ST18: variants seen among roughly 807,000 people sequenced by gnomAD.
The protein encoded by ST18 is suppression of tumorigenicity 18 protein.
ST18 carries 50 observed loss-of-function variants against 110.0 expected under a neutral mutation model. That is an observed-to-expected ratio of 0.45 (90% CI 0.36 to 0.58). ST18 has a LOEUF of 0.58. Among genes scored for constraint, ST18 ranks in the 20% least tolerant of loss-of-function variants. The pLI, the probability that ST18 is intolerant of heterozygous loss-of-function variation, is 0.00. For missense variants in ST18, 1,306 were observed against 1,280.1 expected (o/e 1.02, Z -0.31); for synonymous variants, 461 against 452.4 (o/e 1.02, Z -0.24).
At chr8:52,154,776 G>A (rs961285495) in intron 15 of ST18, 1 of 152,120 alleles carries the variant, frequency 6.6e-6, no homozygotes, top group Non-Finnish European at 1.5e-5. Flanking sequence ...AATTTTGGGA[G>A]GCTGAGGCAG....
chr8:52,409,713 A>G lies in ST18; in HGVS notation c.-755T>C, dbSNP rs991260507. ...TATTCCCCTGAGGTCACATTCAGTT[A>G]AAAACATCCTGCCCTTCTCCCTACA... On this transcript the variant is annotated 5_prime_UTR_variant, in exon 1 of 26. Transcript: ENST00000689386. 1.3e-5 allele frequency: 2 copies of G among 152,272 alleles called. No individual in the cohort carries two copies. Among genetic ancestry groups the G allele is most frequent in the East Asian group, 3.8e-4 (2 of 5,198 alleles). The allele number at this position is 152,272 out of a possible 1,614,324, so 9.4% of individuals were successfully genotyped here. A position where few individuals can be genotyped will look rare whatever the true frequency, so the allele number is the denominator to read the frequency against.
chr8:52,315,064 A>G (rs1256030436), intron 2 of ST18, among the ~76,000 whole-genome samples: 3 of 152,242 alleles, frequency 2.0e-5, no homozygotes, highest in Admixed American at 2.0e-4. Flanking sequence ...AAGAGACATC[A>G]GATTTCCTCT....
At chr8:52,276,535 T>C (rs959822481) in intron 2 of ST18, among the ~76,000 whole-genome samples, 2 of 152,088 alleles carry the variant, frequency 1.3e-5, no homozygotes, top group Non-Finnish European at 2.9e-5. Context: ...GGAGCCTATG[T>C]TGTGTGGCAG....
At chr8:52,227,200 C>A (rs569435737) in intron 3 of ST18, among the ~76,000 whole-genome samples, 4 of 152,082 alleles carry the variant, frequency 2.6e-5, no homozygotes, top group African/African-American at 9.7e-5. Flanking sequence ...AAAAAATACA[C>A]GTATTTTTCT....
chr8:52,302,759 A>G (rs575920936), intron 2 of ST18, among the ~76,000 whole-genome samples: 11 of 152,360 alleles, frequency 7.2e-5, no homozygotes, highest in African/African-American at 2.6e-4. Flanking sequence ...ATAGGAACTT[A>G]TAACCCCTTG....
At position 52,172,201 on chromosome 8, in the gene ST18, C is replaced by G; in HGVS notation, c.660G>C (p.Lys220Asn). Residue 220 changes from lysine to asparagine, a missense_variant, in exon 10 of 26, where the codon AAG (lysine) becomes AAC (asparagine). By Grantham distance (94) the Lys-to-Asn change is moderately conservative (BLOSUM62 0). Transcript: ENST00000689386. The part of the protein sequence containing the change: ...SEETKPPRVP[K>N]YVLTDHKKDL... ...CTTTTTTATGATCTGTTAAAACATA[C>G]TTTGGGACTCTAGGTGGTTTGGTTT... 6.2e-7 allele frequency: 1 copy of G among 1,614,104 alleles called. No individual in the cohort carries two copies. Among genetic ancestry groups the G allele is most frequent in the East Asian group, 2.2e-5 (1 of 44,882 alleles).
intron 2 of ST18, among the ~76,000 whole-genome samples, chr8:52,357,347 T>C (rs915709608): frequency 6.6e-6 from 1 of 152,106 alleles, no homozygotes; most frequent in East Asian, 1.9e-4. Context: ...ACTTTAAATG[T>C]AAATGGATCA....
chr8:52,234,729 GT>G lies in ST18; in HGVS notation c.-464-4653del, dbSNP rs34543281. ...TCAACAAGTGGATAAAGAAACTATG[GT>G]GTGTGTGTGTGTGTGTGTGTGTGTG... is the stretch of plus-strand genomic sequence containing the variant. On this transcript the variant is annotated intron_variant, in intron 2 of 25. Coordinates refer to ENST00000689386, the MANE Select transcript of ST18 (RefSeq NM_001352837.2). 3.3e-4 allele frequency among the ~76,000 whole-genome samples: 7 copies of G among 20,956 alleles called. No homozygotes were observed. In the African/African-American group the frequency reaches 9.2e-3, roughly 28 times the overall value. 13.7% of individuals were successfully genotyped at this position (20,956 alleles called of 152,430 possible).
intron 2 of ST18, among the ~76,000 whole-genome samples, chr8:52,289,563 C>T (rs886213577): frequency 9.9e-5 from 15 of 152,146 alleles, no homozygotes; most frequent in African/African-American, 3.4e-4. Flanking sequence ...CATAATACCC[C>T]AGTGTCATGA....
chr8:52,271,543 C>T (rs1404329500), intron 2 of ST18, among the ~76,000 whole-genome samples: 2 of 152,194 alleles, frequency 1.3e-5, no homozygotes, highest in East Asian at 1.9e-4. Flanking sequence ...GGAAACAGAT[C>T]GCACAGAAGT....
intron 2 of ST18, among the ~76,000 whole-genome samples, chr8:52,351,803 A>G (rs1452267213): frequency 6.6e-6 from 1 of 152,192 alleles, no homozygotes; most frequent in Non-Finnish European, 1.5e-5. Flanking sequence ...AAATGGCATG[A>G]CCTTCGGGTG....
chr8:52,337,772 A>C (rs1812830214), intron 2 of ST18, among the ~76,000 whole-genome samples: 1 of 152,228 alleles, frequency 6.6e-6, no homozygotes, highest in African/African-American at 2.4e-5. Flanking sequence ...GCTGCATTGC[A>C]GGGCACCTCA....
In ST18 at chr8:52,372,883, G is replaced by C. The variant is rs527895963; in HGVS notation, c.-465+36445C>G. Among the ~76,000 whole-genome samples the C allele has an allele frequency of 1.5e-4, 23 of 152,300 alleles. No homozygotes were observed. In the South Asian group the frequency reaches 4.8e-3, roughly 32 times the overall value. ...AAAATGTTTATGGTTATGAAGCTGG[G>C]TAATGGGTAGTATGAATGTTTATTG... On this transcript the variant is annotated intron_variant, in intron 2 of 25. Transcript: ENST00000689386.
At position 52,111,662 on chromosome 8, in the gene ST18, A is replaced by C. The variant is rs930267846; in HGVS notation, c.*1536T>G. ...TAAATATCCATGAGGTTAATAAAAA[A>C]TAAACACTTTTGTTTATAGCACAGA... is the stretch of plus-strand genomic sequence containing the variant. On this transcript the variant is annotated 3_prime_UTR_variant, in exon 26 of 26. Coordinates refer to ENST00000689386, the MANE Select transcript of ST18 (RefSeq NM_001352837.2). 1 of 152,630 alleles carries C rather than the reference A, an allele frequency of 6.6e-6. No homozygotes were observed. The highest frequency in any genetic ancestry group is 1.5e-5 in the Non-Finnish European group (1 of 68,028). 9.5% of individuals were successfully genotyped at this position (152,630 alleles called of 1,614,324 possible). A position where few individuals can be genotyped will look rare whatever the true frequency, so the allele number is the denominator to read the frequency against.
At chr8:52,169,763 CT>C (rs1260148391) in intron 10 of ST18, among the ~76,000 whole-genome samples, 2 of 152,182 alleles carry the variant, frequency 1.3e-5, no homozygotes, top group Non-Finnish European at 2.9e-5. Flanking sequence ...GCCTGTGGCT[CT>C]TCTTCAATGT....
chr8:52,164,532 C>G (rs2062337766), intron 12 of ST18, among the ~76,000 whole-genome samples: 1 of 152,160 alleles, frequency 6.6e-6, no homozygotes, highest in African/African-American at 2.4e-5. Flanking sequence ...TGGCATAGTG[C>G]TTATAAGTCA....
At chr8:52,148,949 C>T (rs2058099907) in intron 16 of ST18, among the ~76,000 whole-genome samples, 1 of 152,214 alleles carries the variant, frequency 6.6e-6, no homozygotes, top group Admixed American at 6.5e-5. Context: ...CCATCAACAA[C>T]TTCCCTGACA....
chr8:52,317,082 G>T (rs1021834968), intron 2 of ST18, among the ~76,000 whole-genome samples: 10 of 152,062 alleles, frequency 6.6e-5, no homozygotes, highest in African/African-American at 9.7e-5. Context: ...TTAGTATTTT[G>T]ATTTTTTTTC....
intron 2 of ST18, among the ~76,000 whole-genome samples, chr8:52,408,510 A>C (rs1453453957): frequency 6.6e-6 from 1 of 152,254 alleles, no homozygotes; most frequent in Admixed American, 6.5e-5. Flanking sequence ...GCTAATTTCT[A>C]TGTGAACTGG....
Sources: gnomAD v4.1 joint callset for allele counts (sites outside exome capture counted in the v4.1 genomes callset) on GRCh38, gnomAD v4.1.1 for gene constraint, MANE v1.5 for transcripts, NCBI Gene and HGNC (gene_info 2026-07-23, HGNC 2026-07-21) for gene names.